TBC1D5: variants seen among roughly 807,000 people sequenced by gnomAD.
TBC1D5 encodes TBC1 domain family member 5.
Under a neutral mutation model 100.3 loss-of-function variants are expected in TBC1D5, and 75 were observed. The ratio of observed to expected loss-of-function variants is 0.75; its 90% CI spans 0.62 to 0.91. The LOEUF (loss-of-function observed/expected upper bound fraction) is 0.91, where lower values mean the gene tolerates loss of function less well. TBC1D5 is among the 40% of genes least tolerant of loss of function. The pLI is 0.00. For missense variants in TBC1D5, 910 were observed against 942.4 expected (o/e 0.97, Z 0.45); for synonymous variants, 323 against 325.6 (o/e 0.99, Z 0.09).
chr3:17,658,923 G>A (rs931164406), intron 1 of TBC1D5, among the ~76,000 whole-genome samples: 6 of 152,176 alleles, frequency 3.9e-5, no homozygotes, highest in Non-Finnish European at 7.4e-5. Flanking sequence ...CTCCCAAACT[G>A]CTGGGATTAC....
intron 8 of TBC1D5, among the ~76,000 whole-genome samples, chr3:17,390,642 G>A (rs62245936): frequency 0.022 from 3,323 of 151,996 alleles, 48 homozygotes; most frequent in Middle Eastern, 0.051. Flanking sequence ...TTTCAAAAAC[G>A]GAAAATCAAA....
At position 17,614,529 on chromosome 3, in the gene TBC1D5, T is replaced by G. The variant is rs1577029563; in HGVS notation, c.-36+9320A>C. ...TCCTCCTATCCATGAGCATAGAATG[T>G]TCCTCCATTTGTTTCTGTCCTCTTT... On this transcript the variant is annotated intron_variant, in intron 2 of 21. Coordinates refer to ENST00000253692, the Ensembl canonical transcript of TBC1D5. Among the ~76,000 whole-genome samples, 3 of 152,324 alleles carry G rather than the reference T, an allele frequency of 2.0e-5. No individual in the cohort carries two copies. In the East Asian group the frequency reaches 5.8e-4, roughly 29 times the overall value.
chr3:17,528,099 G>A (rs1364445173), intron 2 of TBC1D5, among the ~76,000 whole-genome samples: 8 of 151,920 alleles, frequency 5.3e-5, no homozygotes, highest in African/African-American at 9.7e-5. Flanking sequence ...TCACCCTGTC[G>A]CCCAGGCCAG....
At chr3:17,505,987 A>G (rs1202379685) in intron 3 of TBC1D5, among the ~76,000 whole-genome samples, 2 of 152,196 alleles carry the variant, frequency 1.3e-5, no homozygotes, top group Non-Finnish European at 2.9e-5. Context: ...TACTAATAGA[A>G]CCTATGACAA....
At chr3:17,696,789 G>A (rs970839039) in intron 1 of TBC1D5, among the ~76,000 whole-genome samples, 1 of 152,192 alleles carries the variant, frequency 6.6e-6, no homozygotes, top group African/African-American at 2.4e-5. Flanking sequence ...AAGCCTGGCA[G>A]AGACACAACA....
intron 1 of TBC1D5, among the ~76,000 whole-genome samples, chr3:17,654,714 G>A (rs1014802323): frequency 6.6e-6 from 1 of 152,040 alleles, no homozygotes; most frequent in Non-Finnish European, 1.5e-5. Flanking sequence ...TCTATTGATT[G>A]GAATAGTTTC....
chr3:17,272,608 G>T (rs62245883), intron 15 of TBC1D5, among the ~76,000 whole-genome samples: 1,846 of 152,238 alleles, frequency 0.012, 22 homozygotes, highest in Non-Finnish European at 0.021. Flanking sequence ...AAAGAAAGAG[G>T]TTCGGAATAA....
intron 14 of TBC1D5, among the ~76,000 whole-genome samples, chr3:17,304,541 A>G (rs283942): frequency 0.51 from 77,920 of 151,938 alleles, 21,795 homozygotes; most frequent in African/African-American, 0.72. Context: ...GTGAGTAGCT[A>G]GGACTACAGG....
chr3:17,691,695 T>C (rs2071184905), intron 1 of TBC1D5, among the ~76,000 whole-genome samples: 2 of 152,058 alleles, frequency 1.3e-5, no homozygotes, highest in South Asian at 2.1e-4. Context: ...CGCATGCCTG[T>C]AGTCCCAGCT....
intron 4 of TBC1D5, among the ~76,000 whole-genome samples, chr3:17,407,759 T>C (rs17043579): frequency 0.091 from 13,879 of 152,156 alleles, 1,432 homozygotes; most frequent in African/African-American, 0.26. Flanking sequence ...CCAGTAGCGT[T>C]GTGATCCTCA....
intron 18 of TBC1D5, among the ~76,000 whole-genome samples, chr3:17,194,841 CA>C (rs1179014869): frequency 6.6e-6 from 1 of 151,960 alleles, no homozygotes; most frequent in Non-Finnish European, 1.5e-5. Flanking sequence ...AAGTTGCCTA[CA>C]AAAAATAATA....
exon 1 of TBC1D5, chr3:17,740,118 C>T (rs1042928130): frequency 2.0e-5 from 3 of 152,000 alleles, no homozygotes; most frequent in Non-Finnish European, 2.9e-5. Context: ...AGGTCGATAC[C>T]AGCCTGGCCA....
At chr3:17,456,053 C>T (rs1053060727) in intron 3 of TBC1D5, among the ~76,000 whole-genome samples, 3 of 152,130 alleles carry the variant, frequency 2.0e-5, no homozygotes, top group Non-Finnish European at 4.4e-5. Flanking sequence ...AGGGAAAAGA[C>T]AGTCTCTTCA....
At chr3:17,295,037 G>A (rs138820947) in intron 14 of TBC1D5, among the ~76,000 whole-genome samples, 168 of 152,324 alleles carry the variant, frequency 1.1e-3, no homozygotes, top group African/African-American at 3.9e-3. Context: ...AAGCAGGGCA[G>A]AGACATGAAG....
intron 1 of TBC1D5, among the ~76,000 whole-genome samples, chr3:17,663,791 T>C (rs1172390814): frequency 6.6e-5 from 10 of 152,160 alleles, no homozygotes; most frequent in African/African-American, 2.4e-4. Flanking sequence ...ATAACCCAAA[T>C]AGTCATCTAT....
chr3:17,705,988 T>TC, intron 1 of TBC1D5: 1 of 1,464,860 alleles, frequency 6.8e-7, no homozygotes, highest in Non-Finnish European at 9.1e-7. Flanking sequence ...TTACTCTTTT[T>TC]TTTTTTTGAG....
At chr3:17,478,053 C>G (rs1251645632) in intron 3 of TBC1D5, among the ~76,000 whole-genome samples, 2 of 151,912 alleles carry the variant, frequency 1.3e-5, no homozygotes, top group African/African-American at 4.8e-5. Flanking sequence ...ATTTTAAAGA[C>G]CTCACTATAC....
At chr3:17,240,616 T>C (rs573431056) in intron 16 of TBC1D5, among the ~76,000 whole-genome samples, 1 of 152,228 alleles carries the variant, frequency 6.6e-6, no homozygotes, top group South Asian at 2.1e-4. Context: ...GGCATTCACC[T>C]CTGGCATTAT....
At chr3:17,539,330 T>A (rs535645719) in intron 2 of TBC1D5, among the ~76,000 whole-genome samples, 1 of 152,290 alleles carries the variant, frequency 6.6e-6, no homozygotes, top group South Asian at 2.1e-4. Context: ...ATGTTTCTTA[T>A]GAGACTTAAA....
Sources: allele counts gnomAD v4.1 joint callset (sites outside exome capture counted in the v4.1 genomes callset), GRCh38; gene constraint gnomAD v4.1.1; transcripts MANE v1.5; gene names NCBI Gene and HGNC (gene_info 2026-07-23, HGNC 2026-07-21).